SAMD12: variants seen among roughly 807,000 people sequenced by gnomAD.
SAMD12 encodes sterile alpha motif domain containing 12.
SAMD12 carries 9 observed loss-of-function variants against 15.0 expected under a neutral mutation model. That is an observed-to-expected ratio of 0.60 (90% confidence interval 0.36 to 1.05). SAMD12 has a LOEUF of 1.05. SAMD12 is among the 50% of genes least tolerant of loss of function. The pLI, the probability that SAMD12 is intolerant of heterozygous loss-of-function variation, is 0.01. For missense variants in SAMD12, 230 were observed against 234.2 expected, an observed-to-expected ratio of 0.98 and a Z score of 0.12; for synonymous variants, 86 against 90.1, an observed-to-expected ratio of 0.96 and a Z score of 0.25.
At chr8:118,558,842 C>T (rs979344414) in intron 2 of SAMD12, among the ~76,000 whole-genome samples, 1 of 152,060 alleles carries the variant, frequency 6.6e-6, no homozygotes, top group Non-Finnish European at 1.5e-5. Context: ...CAGGCGTGAG[C>T]CACCGCGCCC....
rs555299793 is a variant in SAMD12, at chr8:118,203,923, T to G, written c.434-6191A>C. 2.5e-3 allele frequency among the ~76,000 whole-genome samples: 377 copies of G among 152,034 alleles called. 2 individuals carry two copies. The highest frequency in any genetic ancestry group is 0.01 in the Middle Eastern group (3 of 294). On this transcript the variant is annotated intron_variant, in intron 4 of 4. Coordinates refer to the SAMD12 transcript ENST00000409003. ...AAAGGACATGAACTCATCCTTTTTT[T>G]TTTGTTTGTTTCTATTTTCTACTCC... is the stretch of plus-strand genomic sequence containing the variant.
chr8:118,200,244 C>A (rs1019434513), intron 4 of SAMD12, among the ~76,000 whole-genome samples: 1 of 151,870 alleles, frequency 6.6e-6, no homozygotes, highest in African/African-American at 2.4e-5. Context: ...CGACAACAAA[C>A]AAATACACCA....
At chr8:118,417,744 C>T (rs1407122698) in intron 3 of SAMD12, among the ~76,000 whole-genome samples, 5 of 152,192 alleles carry the variant, frequency 3.3e-5, no homozygotes, top group African/African-American at 9.6e-5. Flanking sequence ...TTTTCAAACA[C>T]TGTAAGATAT....
At chr8:118,461,538 C>CA (rs1823422951) in intron 2 of SAMD12, among the ~76,000 whole-genome samples, 1 of 117,976 alleles carries the variant, frequency 8.5e-6, no homozygotes, top group Non-Finnish European at 2.0e-5. Context: ...TTGAGGTAGA[C>CA]ATTTAGGCAC....
chr8:118,252,610 CT>C (rs1812845215), intron 4 of SAMD12, among the ~76,000 whole-genome samples: 2 of 152,082 alleles, frequency 1.3e-5, no homozygotes, highest in Non-Finnish European at 2.9e-5. Context: ...TCCCAGTTCT[CT>C]TTCTTACTCC....
chr8:118,206,583 G>A (rs757057842), intron 4 of SAMD12, among the ~76,000 whole-genome samples: 14 of 152,194 alleles, frequency 9.2e-5, no homozygotes, highest in Non-Finnish European at 1.9e-4. Flanking sequence ...GGCTTCAGGG[G>A]TTGAAGAGTC....
At chr8:118,197,638 T>C in exon 5 of SAMD12, 2 of 1,241,444 alleles carry the variant, frequency 1.6e-6, no homozygotes, top group African/African-American at 3.0e-5. Flanking sequence ...GTGCCATGGG[T>C]TAGTCTTTCT....
intron 1 of SAMD12, among the ~76,000 whole-genome samples, chr8:118,608,802 A>G (rs546913896): frequency 6.6e-6 from 1 of 152,276 alleles, no homozygotes; most frequent in East Asian, 1.9e-4. Context: ...ATGTGTGAGC[A>G]TGTGGGAGGA....
intron 4 of SAMD12, among the ~76,000 whole-genome samples, chr8:118,321,008 T>C (rs1413975996): frequency 2.0e-5 from 3 of 147,962 alleles, no homozygotes; most frequent in East Asian, 2.0e-4. Flanking sequence ...CAAAGTCACA[T>C]GTATTGCTAA....
intron 3 of SAMD12, among the ~76,000 whole-genome samples, chr8:118,415,108 C>T (rs9297586): frequency 0.27 from 41,033 of 152,006 alleles, 7,078 homozygotes; most frequent in Non-Finnish European, 0.39. Context: ...GCCTCCAGGG[C>T]GAGTATCCTA....
intron 4 of SAMD12, among the ~76,000 whole-genome samples, chr8:118,348,340 G>A (rs1028812943): frequency 2.0e-5 from 3 of 151,744 alleles, no homozygotes; most frequent in Admixed American, 1.3e-4. Flanking sequence ...AAGTGTTGGG[G>A]TTACGGGCGT....
At chr8:118,589,274 A>T (rs529016172) in intron 1 of SAMD12, among the ~76,000 whole-genome samples, 10 of 152,306 alleles carry the variant, frequency 6.6e-5, no homozygotes, top group African/African-American at 2.4e-4. Context: ...GACCTACATG[A>T]CTGTTCAGCA....
intron 3 of SAMD12, among the ~76,000 whole-genome samples, chr8:118,382,015 T>C (rs963577249): frequency 6.6e-6 from 1 of 152,182 alleles, no homozygotes; most frequent in African/African-American, 2.4e-5. Flanking sequence ...TGCAGTCCAA[T>C]GCTCTGCTCA....
intron 3 of SAMD12, among the ~76,000 whole-genome samples, chr8:118,425,165 C>A (rs1203213942): frequency 2.0e-5 from 3 of 152,070 alleles, no homozygotes; most frequent in Non-Finnish European, 4.4e-5. Flanking sequence ...GTCTCAATTT[C>A]CTGACCTTGT....
the SAMD12 span, among the ~76,000 whole-genome samples, chr8:118,136,686 G>A: frequency 8.5e-5 from 13 of 152,328 alleles, no homozygotes; most frequent in South Asian, 2.5e-3. Context: ...GGTGTACACA[G>A]CTGATGTCTT....
At chr8:118,225,235 C>CCATT (rs1412751679) in intron 4 of SAMD12, among the ~76,000 whole-genome samples, 1 of 152,148 alleles carries the variant, frequency 6.6e-6, no homozygotes, top group Non-Finnish European at 1.5e-5. Flanking sequence ...AAACTATGCC[C>CCATT]CATTCATTCA....
At chr8:118,271,424 G>A (rs1451743290) in intron 4 of SAMD12, among the ~76,000 whole-genome samples, 1 of 152,062 alleles carries the variant, frequency 6.6e-6, no homozygotes, top group African/African-American at 2.4e-5. Context: ...ATGAGATTTG[G>A]ATGGAGACAC....
At chr8:118,380,041 T>C (rs1246607229) in intron 3 of SAMD12, among the ~76,000 whole-genome samples, 1 of 152,152 alleles carries the variant, frequency 6.6e-6, no homozygotes, top group Non-Finnish European at 1.5e-5. Context: ...ATAGAAACAA[T>C]GCTCTTCACT....
At chr8:118,132,803 C>A in the SAMD12 span, among the ~76,000 whole-genome samples, 2 of 151,372 alleles carry the variant, frequency 1.3e-5, no homozygotes, top group Non-Finnish European at 2.9e-5. Context: ...ATTGCAGGAG[C>A]CTTAGTAGAT....
Sources: allele counts gnomAD v4.1 joint callset (sites outside exome capture counted in the v4.1 genomes callset), GRCh38; gene constraint gnomAD v4.1.1; transcripts MANE v1.5; gene names NCBI Gene and HGNC (gene_info 2026-07-23, HGNC 2026-07-21).